Variants in DIP2B observed in about 807,000 individuals in gnomAD.
DIP2B encodes disco-interacting protein 2 homolog B.
In DIP2B, 76 loss-of-function variants were observed where a neutral mutation model predicts 198.0. The ratio of observed to expected loss-of-function variants is 0.38; its 90% CI spans 0.32 to 0.46. DIP2B has a LOEUF of 0.46. DIP2B is among the 20% of genes least tolerant of loss of function. The pLI, the probability that DIP2B is intolerant of heterozygous loss-of-function variation, is 0.99. For missense variants in DIP2B, 1,559 were observed against 1,978.4 expected (o/e 0.79, Z 4.02); for synonymous variants, 701 against 739.1 (o/e 0.95, Z 0.84).
Position 50,724,851 on chromosome 12 carries a change from T to A in DIP2B, c.3365T>A (p.Val1122Glu). ...AGGTCCCGAGAGGCAGCAGCAGCTG[T>A]GGATGTGAAAACCTGGCCAACCATC... is the stretch of plus-strand genomic sequence containing the variant. ...LLRSREAAAA[V>E]DVKTWPTIID... is the part of the protein sequence containing the mutation. The change falls in exon 28 of 38, where the codon GTG becomes GAG. Residue 1122 changes from valine (V) to glutamate (E), a missense_variant. By Grantham distance (121) the Val-to-Glu change is moderately radical. Transcript: ENST00000301180. The A allele has an allele frequency of 6.2e-7, 1 of 1,614,098 alleles. No individual in the cohort carries two copies. Among genetic ancestry groups the A allele is most frequent in the Non-Finnish European group, 8.5e-7 (1 of 1,180,002 alleles).
At chr12:50,682,345 G>T (rs192393028) in intron 9 of DIP2B, among the ~76,000 whole-genome samples, 3 of 152,202 alleles carry the variant, frequency 2.0e-5, no homozygotes, top group African/African-American at 7.2e-5. Flanking sequence ...AAGAAAACTG[G>T]CCGGGTGGGG....
rs747413267 is a variant in DIP2B, at chr12:50,704,236, A to G, written c.2406+16A>G. ...TGTAGGGCCGGTAAGTGATGCTTTC[A>G]TGTTGATTTTGTTACATTTGATCCA... On this transcript the variant is annotated intron_variant, in intron 20 of 37. Coordinates refer to ENST00000301180, the MANE Select transcript of DIP2B (RefSeq NM_173602.3). 1.9e-6 allele frequency: 3 copies of G among 1,602,694 alleles called. No homozygotes were observed. The highest frequency in any genetic ancestry group is 1.7e-6 in the Non-Finnish European group (2 of 1,176,916).
At position 50,723,315 on chromosome 12, in the gene DIP2B, AT is replaced by A. The variant is rs1223809494; in HGVS notation, c.3282del (p.Ile1094MetfsTer16). On this transcript the variant is annotated frameshift_variant, in exon 27 of 38. Transcript: ENST00000301180. LOFTEE classifies it high-confidence loss of function. The part of the protein sequence containing the change: ...LTATLPTVRM[I>X]VDVSKAACIL... ...GGCCACGCTGCCCACTGTCCGAATG[AT>A]TGTTGATGTAAGTACCAGCTGTATC... 6.2e-7 allele frequency: 1 copy of A among 1,614,094 alleles called. No individual in the cohort carries two copies.
chr12:50,576,702 C>T lies in DIP2B; in HGVS notation c.101-49274C>T, dbSNP rs573387478. Among the ~76,000 whole-genome samples, 7 of 151,764 alleles carry T rather than the reference C, an allele frequency of 4.6e-5. No individual in the cohort carries two copies. In the East Asian group the frequency reaches 7.9e-4, roughly 17 times the overall value. Reference sequence around the variant, plus strand: ...TTCACCATGTTAGCCAGGATGGTCTCGATCTCTTGACCTCATGATCTGCCC... The same window carrying T: ...TTCACCATGTTAGCCAGGATGGTCTTGATCTCTTGACCTCATGATCTGCCC... On this transcript the variant is annotated intron_variant, in intron 1 of 37. Coordinates refer to ENST00000301180, the MANE Select transcript of DIP2B (RefSeq NM_173602.3).
Position 50,505,016 on chromosome 12 carries a change from C to CGGCGGCGGCGGCGGCGGCGGCGGT in DIP2B, c.-117_-116insCGGCGGCGGCGGCGGTGGCGGCGG, listed in dbSNP as rs1555179944. 9.2e-6 allele frequency: 9 copies of CGGCGGCGGCGGCGGCGGCGGCGGT among 979,120 alleles called. No individual in the cohort carries two copies. Among genetic ancestry groups the CGGCGGCGGCGGCGGCGGCGGCGGT allele is most frequent in the Non-Finnish European group, 1.3e-5 (9 of 669,560 alleles). The allele number at this position is 979,120 out of a possible 1,614,324, so 60.7% of individuals were successfully genotyped here. A position where few individuals can be genotyped will look rare whatever the true frequency, so the allele number is the denominator to read the frequency against. ...CCTTTGCTCATGGCGGCGGCGGCGG[C>CGGCGGCGGCGGCGGCGGCGGCGGT]GGCGGCGGTGCTGGTGGTGCTCGGC... On this transcript the variant is annotated 5_prime_UTR_variant, in exon 1 of 38. Transcript: ENST00000301180.
At chr12:50,510,947 C>CTT (rs56793612) in intron 1 of DIP2B, among the ~76,000 whole-genome samples, 2,382 of 131,024 alleles carry the variant, frequency 0.018, 80 homozygotes, top group African/African-American at 0.053. Flanking sequence ...GCCTGGCTTT[C>CTT]TTTTTTTTTT....
At chr12:50,688,342 C>T (rs929901571) in intron 12 of DIP2B, among the ~76,000 whole-genome samples, 4 of 152,080 alleles carry the variant, frequency 2.6e-5, no homozygotes, top group African/African-American at 9.7e-5. Context: ...TGAAACAGAT[C>T]TAAGTATCTT....
At chr12:50,624,962 A>G (rs1937903569) in intron 1 of DIP2B, among the ~76,000 whole-genome samples, 1 of 152,340 alleles carries the variant, frequency 6.6e-6, no homozygotes, top group African/African-American at 2.4e-5. Flanking sequence ...GCAAATTTGT[A>G]TCCGTCAGAC....
chr12:50,646,693 A>G (rs536308317), intron 3 of DIP2B, among the ~76,000 whole-genome samples: 1 of 152,240 alleles, frequency 6.6e-6, no homozygotes, highest in East Asian at 1.9e-4. Flanking sequence ...ATGTGCTGGG[A>G]TTACAGGTGT....
chr12:50,623,391 CTA>C (rs1937852883), intron 1 of DIP2B, among the ~76,000 whole-genome samples: 6 of 75,968 alleles, frequency 7.9e-5, no homozygotes, highest in Non-Finnish European at 1.3e-4. Context: ...ATATATGTAT[CTA>C]CACACACACA....
intron 23 of DIP2B, 53 bp from the exon 24 acceptor site, chr12:50,718,656 T>C: frequency 6.8e-7 from 1 of 1,473,138 alleles, no homozygotes; most frequent in Non-Finnish European, 9.5e-7. Flanking sequence ...ATGCTCTGGA[T>C]ACTTAGTTGG....
At chr12:50,636,102 T>C (rs1210255492) in intron 2 of DIP2B, among the ~76,000 whole-genome samples, 1 of 152,180 alleles carries the variant, frequency 6.6e-6, no homozygotes, top group Non-Finnish European at 1.5e-5. Flanking sequence ...ATAAGTACTG[T>C]AAGAGAGCTC....
intron 8 of DIP2B, chr12:50,679,156 A>G (rs1389830804): frequency 2.6e-6 from 1 of 381,726 alleles, no homozygotes; most frequent in Non-Finnish European, 4.8e-6. Context: ...TTAGAAAAAC[A>G]TTTGGTATTG....
rs192028014 is a variant in DIP2B, at chr12:50,603,568, A to G, written c.101-22408A>G. Among the ~76,000 whole-genome samples the G allele has an allele frequency of 2.6e-3, 389 of 152,142 alleles. 2 individuals carry two copies. The highest frequency in any genetic ancestry group is 3.5e-3 in the Non-Finnish European group (240 of 67,984). On this transcript the variant is annotated intron_variant, in intron 1 of 37. Coordinates refer to ENST00000301180, the MANE Select transcript of DIP2B (RefSeq NM_173602.3). ...AGCCTGGGCGACATGGTGAAATCCTACGTCTCCAAAAAACTAGCTGGGCAT... is the reference window on the plus strand; with the variant it reads ...AGCCTGGGCGACATGGTGAAATCCTGCGTCTCCAAAAAACTAGCTGGGCAT...
chr12:50,615,115 G>C (rs997006211), intron 1 of DIP2B, among the ~76,000 whole-genome samples: 11 of 152,126 alleles, frequency 7.2e-5, no homozygotes, highest in African/African-American at 2.4e-4. Flanking sequence ...TGCTCCAATT[G>C]ATGCAAGAAT....
chr12:50,741,422 A>T lies in DIP2B; in HGVS notation c.4361A>T (p.His1454Leu). 1 of 1,613,886 alleles carries T rather than the reference A, an allele frequency of 6.2e-7. No individual in the cohort carries two copies. The highest frequency in any genetic ancestry group is 8.5e-7 in the Non-Finnish European group (1 of 1,179,944). The change falls in exon 37 of 38, where the codon CAT becomes CTT. Residue 1454 changes from histidine to leucine, a missense_variant. Transcript: ENST00000301180. Reference sequence around the variant, plus strand: ...CTCTTTTTCTTTCTGTCAGAGCGTCATGATGCATTGTATGTGGTGGGAGCG... The same window carrying T: ...CTCTTTTTCTTTCTGTCAGAGCGTCTTGATGCATTGTATGTGGTGGGAGCG... ...TELTAATGER[H>L]DALYVVGALD... is the part of the protein sequence containing the mutation.
chr12:50,662,218 AG>A (rs1261317996), intron 4 of DIP2B, among the ~76,000 whole-genome samples: 1 of 152,206 alleles, frequency 6.6e-6, no homozygotes, highest in African/African-American at 2.4e-5. Flanking sequence ...AGTAATAAAA[AG>A]GTTCTGTACC....
At chr12:50,642,522 A>C (rs1784921292) in intron 3 of DIP2B, among the ~76,000 whole-genome samples, 1 of 152,220 alleles carries the variant, frequency 6.6e-6, no homozygotes, top group African/African-American at 2.4e-5. Context: ...GTGGTGGCTC[A>C]CACCTGTAAT....
At chr12:50,676,255 T>G (rs1012995772) in intron 7 of DIP2B, among the ~76,000 whole-genome samples, 1 of 152,212 alleles carries the variant, frequency 6.6e-6, no homozygotes, top group African/African-American at 2.4e-5. Flanking sequence ...AAGCTTTTGT[T>G]GAAAGAGCTA....
Sources: gnomAD v4.1 joint callset for allele counts (sites outside exome capture counted in the v4.1 genomes callset) on GRCh38, gnomAD v4.1.1 for gene constraint, MANE v1.5 for transcripts, NCBI Gene and HGNC (gene_info 2026-07-23, HGNC 2026-07-21) for gene names.